Variants in PIGR observed in about 807,000 individuals in gnomAD.
PIGR encodes polymeric immunoglobulin receptor.
In PIGR, 22 loss-of-function variants were observed where a neutral mutation model predicts 69.5. The ratio of observed to expected loss-of-function variants is 0.32; its 90% CI spans 0.23 to 0.45. The LOEUF is 0.45. Ranked by LOEUF, PIGR falls within the 20% of genes least tolerant of loss-of-function variation. The probability of loss-of-function intolerance (pLI) is 1.00; values close to 1 mark genes in which losing one functional copy is unlikely to be tolerated. For synonymous variants in PIGR, 413 were observed against 407.6 expected (o/e 1.01, Z -0.16); for missense variants, 885 against 974.0 (o/e 0.91, Z 1.22).
rs768865698 is a variant in PIGR at position 206,937,467 on chromosome 1, C to A, written c.673G>T (p.Asp225Tyr). 3 of 1,614,226 alleles carry A rather than the reference C, an allele frequency of 1.9e-6. No individual in the cohort carries two copies. The highest frequency in any genetic ancestry group is 2.5e-6 in the Non-Finnish European group (3 of 1,180,044). The change falls in exon 4 of 11, where the codon GAT (aspartate) becomes TAT (tyrosine). Residue 225 changes from aspartate to tyrosine, a missense_variant. Coordinates refer to ENST00000356495, the MANE Select transcript of PIGR (RefSeq NM_002644.4). ...AGQYLCQAGD[D>Y]SNSNKKNADL... is the part of the protein sequence containing the mutation. The stretch of plus-strand genomic sequence containing the variant: ...GCATTCTTCTTATTACTATTGGAAT[C>A]ATCCCCAGCCTGGCAGAGATACTGC...
In PIGR at chr1:206,934,542, G is replaced by C. The variant is rs1449692811; in HGVS notation, c.1583C>G (p.Ser528Cys). ...CCTGGTCACCAGGTTCAGGGTCAGG[G>C]AGACAAGCCGGCTGTTCTCGTCACA... ...VNCDENSRLV[S>C]LTLNLVTRAD... Residue 528 changes from serine to cysteine, a missense_variant, in exon 6 of 11, where the codon TCC becomes TGC. Ser to Cys is a moderately radical substitution (Grantham distance 112). Transcript: ENST00000356495. 2 of 1,614,130 alleles carry C rather than the reference G, an allele frequency of 1.2e-6. No individual in the cohort carries two copies. The highest frequency in any genetic ancestry group is 1.7e-6 in the Non-Finnish European group (2 of 1,180,054).
rs1322819749 is a variant in PIGR, at chr1:206,930,208, C to G, written c.*110G>C. 2.2e-5 allele frequency: 19 copies of G among 871,554 alleles called. No individual in the cohort carries two copies. Among genetic ancestry groups the G allele is most frequent in the African/African-American group, 5.1e-5 (3 of 58,788 alleles). The allele number at this position is 871,554 out of a possible 1,614,324, so 54.0% of individuals were successfully genotyped here. On this transcript the variant is annotated 3_prime_UTR_variant, in exon 11 of 11. Transcript: ENST00000356495. The surrounding 1 kb of genome is among the most constrained non-coding windows in gnomAD (Gnocchi z 4.3). ...CGCCTCTGAGGACAGTAGGAAAAAC[C>G]TAGGCAGGTGTTAGAGCAGGGAGTG... is the stretch of plus-strand genomic sequence containing the variant.
chr1:206,930,088 A>G lies in PIGR; in HGVS notation c.*230T>C. 2 of 437,068 alleles carry G rather than the reference A, an allele frequency of 4.6e-6. No individual in the cohort carries two copies. The highest frequency in any genetic ancestry group is 8.1e-6 in the Non-Finnish European group (2 of 246,868). The allele number at this position is 437,068 out of a possible 1,614,324, so 27.1% of individuals were successfully genotyped here. On this transcript the variant is annotated 3_prime_UTR_variant, in exon 11 of 11. Transcript: ENST00000356495. This position sits in a 1 kb window ranked among gnomAD's most constrained non-coding sequence, Gnocchi z 4.3. ...TCTCCGTACCTGAGGTTCTCTCAAC[A>G]GAAAGAAGTTGCAAGTGGGACCTCC...
At chr1:206,939,868 A>C (rs1482828481) in intron 2 of PIGR, among the ~76,000 whole-genome samples, 1 of 152,156 alleles carries the variant, frequency 6.6e-6, no homozygotes, top group African/African-American at 2.4e-5. Flanking sequence ...TTGGGACTAC[A>C]GGTGCATGCT....
chr1:206,932,607 T>A, intron 7 of PIGR, 30 bp from the exon 8 acceptor site: 1 of 1,585,226 alleles, frequency 6.3e-7, no homozygotes, highest in Non-Finnish European at 8.6e-7. Context: ...AGTTCATCCC[T>A]GGAAGGGAGA....
Position 206,937,077 on chromosome 1 carries a change from C to G in PIGR, c.1045+18G>C, listed in dbSNP as rs987008637. 15 of 1,548,212 alleles carry G rather than the reference C, an allele frequency of 9.7e-6. No individual in the cohort carries two copies. The highest frequency in any genetic ancestry group is 1.1e-5 in the Non-Finnish European group (13 of 1,147,648). ...CGAGACTGCCCCACCTACTCCCCCT[C>G]CCTCTCTAGGGTCTTACCCTCATTG... On this transcript the variant is annotated intron_variant, in intron 4 of 10. Transcript: ENST00000356495.
At chr1:206,939,066 TA>T in intron 3 of PIGR, 52 bp downstream of exon 3, 2 of 1,488,974 alleles carry the variant, frequency 1.3e-6, no homozygotes, top group Non-Finnish European at 9.2e-7. Flanking sequence ...CCATGCACCT[TA>T]GAGAATTCCC....
chr1:206,938,736 G>A (rs1679918925), intron 3 of PIGR, among the ~76,000 whole-genome samples: 1 of 152,172 alleles, frequency 6.6e-6, no homozygotes, highest in African/African-American at 2.4e-5. Context: ...TTGATGGAAA[G>A]GTGCATTAAT....
chr1:206,942,777 T>C (rs1680013824), intron 1 of PIGR, among the ~76,000 whole-genome samples: 1 of 152,174 alleles, frequency 6.6e-6, no homozygotes, highest in African/African-American at 2.4e-5. Context: ...AGGGGACATG[T>C]GTGTGCACCC....
intron 1 of PIGR, among the ~76,000 whole-genome samples, chr1:206,944,890 T>C (rs934564781): frequency 3.3e-5 from 5 of 152,198 alleles, no homozygotes; most frequent in Admixed American, 6.5e-5. Context: ...TCACGGTGTC[T>C]TGGTTTCCTC....
rs752078325 is a variant in PIGR, at chr1:206,937,321, C to G, written c.819G>C (p.Gln273His). Residue 273 changes from glutamine (Q) to histidine (H), a missense_variant, in exon 4 of 11, where the codon CAG becomes CAC. Coordinates refer to ENST00000356495, the MANE Select transcript of PIGR (RefSeq NM_002644.4). ...VANVAKFLCRQSSGENCDVVV... is the reference protein window; with the variant it reads ...VANVAKFLCRHSSGENCDVVV... Reference sequence around the variant, plus strand: ...CCACGTCACAGTTTTCCCCACTGCTCTGTCGGCACAGAAATTTGGCCACGT... The same window carrying G: ...CCACGTCACAGTTTTCCCCACTGCTGTGTCGGCACAGAAATTTGGCCACGT... 6.2e-7 allele frequency: 1 copy of G among 1,613,118 alleles called. No homozygotes were observed. Among genetic ancestry groups the G allele is most frequent in the Non-Finnish European group, 8.5e-7 (1 of 1,179,360 alleles).
rs1315230409 is a variant in PIGR, at chr1:206,930,434, C to T, written c.2200-21G>A. Reference sequence around the variant, plus strand: ...GATGACTAAGGGGCAAGAGGAGAGGCATCAGTGTTGGGGGCACTGGCTCAG... The same window carrying T: ...GATGACTAAGGGGCAAGAGGAGAGGTATCAGTGTTGGGGGCACTGGCTCAG... On this transcript the variant is annotated intron_variant, in intron 10 of 10. Transcript: ENST00000356495. This position sits in a 1 kb window ranked among gnomAD's most constrained non-coding sequence, Gnocchi z 4.3. The T allele has an allele frequency of 3.1e-6, 5 of 1,609,880 alleles. No homozygotes were observed. In the South Asian group the frequency reaches 5.5e-5, roughly 18 times the overall value.
In PIGR at chr1:206,930,691, G is replaced by A. The variant is rs1679722078; in HGVS notation, c.2200-278C>T. 1.0e-6 allele frequency: 1 copy of A among 985,292 alleles called. No homozygotes were observed. Among genetic ancestry groups the A allele is most frequent in the African/African-American group, 1.7e-5 (1 of 57,232 alleles). The allele number at this position is 985,292 out of a possible 1,614,324, so 61.0% of individuals were successfully genotyped here. A position where few individuals can be genotyped will look rare whatever the true frequency, so the allele number is the denominator to read the frequency against. On this transcript the variant is annotated intron_variant, in intron 10 of 10. Transcript: ENST00000356495. The surrounding 1 kb of genome is among the most constrained non-coding windows in gnomAD (Gnocchi z 4.3). ...CTGTTGCCCGGGCCTGTCCCCGGAA[G>A]CTGCCCACACAGTCCACGGGCAAGG...
Position 206,930,935 on chromosome 1 carries a change from A to T in PIGR, c.2200-522T>A. On this transcript the variant is annotated intron_variant, in intron 10 of 10. Transcript: ENST00000356495. The surrounding 1 kb of genome is among the most constrained non-coding windows in gnomAD (Gnocchi z 4.3). The stretch of plus-strand genomic sequence containing the variant: ...CTCACCTCGGGATTAAAGGCATGAG[A>T]TGTTATTTTTCTTGGTCCCCTGAGT... 1.0e-6 allele frequency: 1 copy of T among 985,382 alleles called. No individual in the cohort carries two copies. The highest frequency in any genetic ancestry group is 1.2e-6 in the Non-Finnish European group (1 of 829,912). 61.0% of individuals were successfully genotyped at this position (985,382 alleles called of 1,614,324 possible).
chr1:206,944,060 G>A (rs553330507), intron 1 of PIGR, among the ~76,000 whole-genome samples: 7 of 152,300 alleles, frequency 4.6e-5, no homozygotes, highest in Admixed American at 3.3e-4. Flanking sequence ...TTACCTCAGA[G>A]GGTCTTCCTA....
rs747678423 is a variant in PIGR, at chr1:206,935,056, G to A, written c.1379-310C>T. 3.3e-5 allele frequency among the ~76,000 whole-genome samples: 5 copies of A among 152,076 alleles called. No individual in the cohort carries two copies. The highest frequency in any genetic ancestry group is 2.9e-5 in the Non-Finnish European group (2 of 68,016). On this transcript the variant is annotated intron_variant, in intron 5 of 10. Transcript: ENST00000356495. The surrounding 1 kb of genome is among the most constrained non-coding windows in gnomAD (Gnocchi z 4.4). ...CCTCTTTGGATAGCATTAGAAATAA[G>A]TATGTTATTCTGACTACAGAAGAAA...
intron 1 of PIGR, among the ~76,000 whole-genome samples, chr1:206,941,884 G>GTT: frequency 6.6e-6 from 1 of 152,308 alleles, no homozygotes; most frequent in African/African-American, 2.4e-5. Context: ...TTAAATGATC[G>GTT]TAAGTTTGGG....
rs576826674 is a variant in PIGR, at chr1:206,929,419, C to G, written c.*899G>C. 6.6e-6 allele frequency: 1 copy of G among 152,068 alleles called. No homozygotes were observed. The highest frequency in any genetic ancestry group is 2.1e-4 in the South Asian group (1 of 4,806). 9.4% of individuals were successfully genotyped at this position (152,068 alleles called of 1,614,324 possible). The stretch of plus-strand genomic sequence containing the variant: ...AAAATTAGCCAGGCGTGCTGGCAGG[C>G]GCCTGTAGTCCCAGCTACTTGGGAG... On this transcript the variant is annotated 3_prime_UTR_variant, in exon 11 of 11. Transcript: ENST00000356495.
Position 206,936,000 on chromosome 1 carries a change from C to T in PIGR, c.1046-182G>A, listed in dbSNP as rs1249793890. On this transcript the variant is annotated intron_variant, in intron 4 of 10. Transcript: ENST00000356495. The surrounding 1 kb of genome is among the most constrained non-coding windows in gnomAD (Gnocchi z 4.4). ...ATGTCACAGAGCCTGCAGCTGGAGC[C>T]ATCAGGGCCAGACTCCAAGGGCTTG... Among the ~76,000 whole-genome samples, 2 of 152,120 alleles carry T rather than the reference C, an allele frequency of 1.3e-5. No individual in the cohort carries two copies. Among genetic ancestry groups the T allele is most frequent in the African/African-American group, 4.8e-5 (2 of 41,426 alleles).
Sources: allele counts gnomAD v4.1 joint callset (sites outside exome capture counted in the v4.1 genomes callset), GRCh38; gene constraint gnomAD v4.1.1; non-coding constraint Gnocchi (gnomAD v3.1); transcripts MANE v1.5; gene names NCBI Gene and HGNC (gene_info 2026-07-23, HGNC 2026-07-21).